Variants in CMIP observed in about 807,000 individuals in gnomAD.
CMIP encodes C-Maf-inducing protein.
Under a neutral mutation model 97.3 loss-of-function variants are expected in CMIP, and 13 were observed. The observed-to-expected ratio is 0.13, with a 90% CI of 0.09 to 0.21. The LOEUF (loss-of-function observed/expected upper bound fraction) is 0.21, where lower values mean the gene tolerates loss of function less well. CMIP is among the 10% of genes least tolerant of loss of function. The pLI, the probability that CMIP is intolerant of heterozygous loss-of-function variation, is 1.00. For synonymous variants in CMIP, 538 were observed against 436.3 expected (o/e 1.23, Z -2.91); for missense variants, 847 against 1,024.9 (o/e 0.83, Z 2.37).
rs1459042959 is a variant in CMIP at position 81,616,645 on chromosome 16, A to C, written c.427-4231A>C. ...CTGGACTGCCACACCGACCTCCAAG[A>C]GTTGAGAGGATCCCAGAGTGGAACA... On this transcript the variant is annotated intron_variant, in intron 2 of 20. Coordinates refer to ENST00000537098, the MANE Select transcript of CMIP (RefSeq NM_198390.3). The surrounding 1 kb of genome is among the most constrained non-coding windows in gnomAD (Gnocchi z 4.7). 6.6e-6 allele frequency among the ~76,000 whole-genome samples: 1 copy of C among 152,142 alleles called. No individual in the cohort carries two copies. The highest frequency in any genetic ancestry group is 1.9e-4 in the East Asian group (1 of 5,194).
At chr16:81,552,811 TCCTC>T (rs896546722) in intron 1 of CMIP, among the ~76,000 whole-genome samples, 3 of 152,198 alleles carry the variant, frequency 2.0e-5, no homozygotes, top group Admixed American at 6.5e-5. Flanking sequence ...CTACCTGCCT[TCCTC>T]CCTCCCTCTC....
intron 1 of CMIP, among the ~76,000 whole-genome samples, chr16:81,452,448 G>A (rs1454507945): frequency 2.0e-5 from 3 of 152,172 alleles, no homozygotes; most frequent in African/African-American, 4.8e-5. Context: ...GCCTGCCCTC[G>A]TGGAGCCTGT....
chr16:81,577,197 CCATCAT>C (rs10534729), intron 1 of CMIP, among the ~76,000 whole-genome samples: 8,127 of 144,044 alleles, frequency 0.056, 314 homozygotes, highest in East Asian at 0.2. Context: ...ACCATCATCA[CCATCAT>C]AACCATCACC....
chr16:81,654,915 G>C (rs1048735084), intron 4 of CMIP, among the ~76,000 whole-genome samples: 3 of 152,330 alleles, frequency 2.0e-5, no homozygotes, highest in South Asian at 4.1e-4. Context: ...AGGGTCGGAA[G>C]GACCTTGTCC....
intron 9 of CMIP, among the ~76,000 whole-genome samples, chr16:81,676,435 A>G (rs566536340): frequency 2.0e-5 from 3 of 152,266 alleles, no homozygotes; most frequent in African/African-American, 7.2e-5. Flanking sequence ...GACCCAGGTT[A>G]GCGTGGCTCT....
At chr16:81,494,985 G>C (rs765932868) in intron 1 of CMIP, among the ~76,000 whole-genome samples, 3 of 152,182 alleles carry the variant, frequency 2.0e-5, no homozygotes, top group Non-Finnish European at 4.4e-5. Flanking sequence ...ATGGATCATA[G>C]AGCTAGTGTC....
chr16:81,538,899 TTAAAA>T (rs535713281), intron 1 of CMIP, among the ~76,000 whole-genome samples: 149 of 152,282 alleles, frequency 9.8e-4, no homozygotes, highest in African/African-American at 3.3e-3. Context: ...TCATTTTAAA[TTAAAA>T]TAAAATGAAC....
chr16:81,486,201 C>T (rs1275262980), intron 1 of CMIP, among the ~76,000 whole-genome samples: 1 of 152,254 alleles, frequency 6.6e-6, no homozygotes, highest in African/African-American at 2.4e-5. Flanking sequence ...TTTTCCATCA[C>T]AGCCAGGCTT....
intron 9 of CMIP, 75 bp from the exon 10 acceptor site, chr16:81,678,200 C>T (rs1424564623): frequency 8.9e-7 from 1 of 1,119,782 alleles, no homozygotes; most frequent in Non-Finnish European, 1.2e-6. Context: ...TTCAGGGAGG[C>T]CTTTAGTCTG....
At chr16:81,553,301 G>A (rs1159648833) in intron 1 of CMIP, among the ~76,000 whole-genome samples, 10 of 152,182 alleles carry the variant, frequency 6.6e-5, no homozygotes, top group African/African-American at 2.2e-4. Context: ...CATGCCCCCA[G>A]GAGGCAGGCG....
intron 8 of CMIP, among the ~76,000 whole-genome samples, chr16:81,671,644 G>A (rs1468654790): frequency 6.6e-6 from 1 of 152,208 alleles, no homozygotes; most frequent in Non-Finnish European, 1.5e-5. Flanking sequence ...ACTGAGGAGG[G>A]GGCTGCTATC....
chr16:81,469,617 C>G (rs966611010), intron 1 of CMIP, among the ~76,000 whole-genome samples: 1 of 152,202 alleles, frequency 6.6e-6, no homozygotes, highest in Non-Finnish European at 1.5e-5. Context: ...CAGGTGACGT[C>G]AGGCTTTGGA....
At chr16:81,554,391 G>C (rs2090720193) in intron 1 of CMIP, among the ~76,000 whole-genome samples, 1 of 152,214 alleles carries the variant, frequency 6.6e-6, no homozygotes, top group African/African-American at 2.4e-5. Context: ...TTGGGCAGGA[G>C]ATTCCTGTAG....
At chr16:81,589,932 C>T (rs1438137328) in intron 1 of CMIP, among the ~76,000 whole-genome samples, 1 of 152,214 alleles carries the variant, frequency 6.6e-6, no homozygotes. Flanking sequence ...GCCCTGGGTC[C>T]CTCAAGATCT....
intron 1 of CMIP, among the ~76,000 whole-genome samples, chr16:81,587,371 G>T (rs1265081327): frequency 6.6e-6 from 1 of 152,196 alleles, no homozygotes; most frequent in African/African-American, 2.4e-5. Context: ...GGAGTGCTGT[G>T]GGTGGAATCG....
chr16:81,633,138 C>G (rs905699346), intron 3 of CMIP, among the ~76,000 whole-genome samples: 1 of 152,214 alleles, frequency 6.6e-6, no homozygotes. Context: ...TTTTGTTTTT[C>G]TTTTTCTCGC....
chr16:81,504,743 C>T (rs528641790), intron 1 of CMIP, among the ~76,000 whole-genome samples: 14 of 151,970 alleles, frequency 9.2e-5, no homozygotes, highest in African/African-American at 3.4e-4. Context: ...TGCCATTCCA[C>T]GAGTGGTCCC....
At position 81,506,875 on chromosome 16, in the gene CMIP, A is replaced by G. The variant is rs191878106; in HGVS notation, c.300+61334A>G. 4.7e-4 allele frequency among the ~76,000 whole-genome samples: 70 copies of G among 148,806 alleles called. 1 individual carries two copies. Among genetic ancestry groups the G allele is most frequent in the African/African-American group, 1.7e-3 (68 of 40,426 alleles). On this transcript the variant is annotated intron_variant, in intron 1 of 20. Coordinates refer to ENST00000537098, the MANE Select transcript of CMIP (RefSeq NM_198390.3). ...AGCTGAGATCACGCCACTCCACTCC[A>G]GCCTGGATGACAGAGCGAGACTCCG...
chr16:81,700,216 A>G (rs951884166), intron 15 of CMIP, among the ~76,000 whole-genome samples: 2 of 152,048 alleles, frequency 1.3e-5, no homozygotes, highest in Non-Finnish European at 2.9e-5. Context: ...GCATTGGCCT[A>G]AGAGGCCTCA....
Sources: allele counts gnomAD v4.1 joint callset (sites outside exome capture counted in the v4.1 genomes callset), GRCh38; gene constraint gnomAD v4.1.1; non-coding constraint Gnocchi (gnomAD v3.1); transcripts MANE v1.5; gene names NCBI Gene and HGNC (gene_info 2026-07-23, HGNC 2026-07-21).